HDAC9: variants seen among roughly 807,000 people sequenced by gnomAD.
HDAC9 encodes the protein MEF-2 interacting transcription repressor (MITR) protein.
A neutral mutation model predicts 139.4 loss-of-function variants in HDAC9; 41 were observed. The ratio of observed to expected loss-of-function variants is 0.29; its 90% CI spans 0.23 to 0.38. HDAC9 has a LOEUF of 0.38. Ranked by LOEUF, HDAC9 falls within the 10% of genes least tolerant of loss-of-function variation. The pLI is 1.00. For synonymous variants in HDAC9, 517 were observed against 476.2 expected (o/e 1.09, Z -1.12); for missense variants, 1,147 against 1,297.0 (o/e 0.88, Z 1.78).
At chr7:18,610,910 AT>A (rs1317778216) in intron 6 of HDAC9, among the ~76,000 whole-genome samples, 1 of 152,164 alleles carries the variant, frequency 6.6e-6, no homozygotes, top group East Asian at 1.9e-4. Context: ...CAGAAGCAGG[AT>A]TTGTGTTTTA....
intron 23 of HDAC9, among the ~76,000 whole-genome samples, chr7:18,937,720 C>T (rs1328014879): frequency 1.3e-5 from 2 of 152,108 alleles, no homozygotes; most frequent in South Asian, 2.1e-4. Flanking sequence ...ACCAGATGTG[C>T]AGACAATCAG....
chr7:18,621,128 A>G (rs1308910137), intron 6 of HDAC9, among the ~76,000 whole-genome samples: 1 of 152,084 alleles, frequency 6.6e-6, no homozygotes, highest in African/African-American at 2.4e-5. Flanking sequence ...TTGCTTGGGG[A>G]AAAACATAAT....
At chr7:18,537,844 T>A (rs1011214183) in intron 2 of HDAC9, among the ~76,000 whole-genome samples, 4 of 152,174 alleles carry the variant, frequency 2.6e-5, no homozygotes, top group Non-Finnish European at 4.4e-5. Flanking sequence ...AATGCCCAAA[T>A]CTTGAACTTG....
At chr7:18,969,751 A>G (rs746635840) in intron 24 of HDAC9, among the ~76,000 whole-genome samples, 1 of 152,226 alleles carries the variant, frequency 6.6e-6, no homozygotes, top group African/African-American at 2.4e-5. Context: ...TATGCAGTAC[A>G]GAAGAAGAAA....
chr7:18,804,419 A>G (rs758604485), intron 17 of HDAC9, among the ~76,000 whole-genome samples: 1 of 152,206 alleles, frequency 6.6e-6, no homozygotes, highest in Non-Finnish European at 1.5e-5. Flanking sequence ...ACACGTATGC[A>G]TACGTAAATA....
chr7:18,263,380 C>A (rs1022323581), intron 2 of HDAC9, among the ~76,000 whole-genome samples: 1 of 152,084 alleles, frequency 6.6e-6, no homozygotes, highest in Admixed American at 6.6e-5. Context: ...CAGCTTGATT[C>A]AACAAGATCA....
intron 16 of HDAC9, among the ~76,000 whole-genome samples, chr7:18,774,100 G>A (rs1790554650): frequency 6.6e-6 from 1 of 151,672 alleles, no homozygotes; most frequent in African/African-American, 2.4e-5. Flanking sequence ...CCCAACTCAA[G>A]AAAAACCCAT....
intron 1 of HDAC9, among the ~76,000 whole-genome samples, chr7:18,317,233 A>T (rs1277104229): frequency 6.6e-6 from 1 of 151,810 alleles, no homozygotes; most frequent in Non-Finnish European, 1.5e-5. Flanking sequence ...TAAAATAAAA[A>T]TTCAGCCATA....
At chr7:18,805,826 T>C (rs1404923158) in intron 17 of HDAC9, among the ~76,000 whole-genome samples, 2 of 152,190 alleles carry the variant, frequency 1.3e-5, no homozygotes, top group Non-Finnish European at 2.9e-5. Flanking sequence ...CCAGTCTTTA[T>C]GATTTTTCCT....
chr7:18,412,395 C>T (rs922917021), intron 1 of HDAC9, among the ~76,000 whole-genome samples: 2 of 151,910 alleles, frequency 1.3e-5, no homozygotes, highest in Non-Finnish European at 2.9e-5. Context: ...GAGGAGAAAA[C>T]AGAGGCAAAG....
chr7:18,804,640 A>C (rs1455108288), intron 17 of HDAC9, among the ~76,000 whole-genome samples: 1 of 152,198 alleles, frequency 6.6e-6, no homozygotes, highest in African/African-American at 2.4e-5. Flanking sequence ...ATTATGACCA[A>C]ATCCTAAACT....
In HDAC9 at chr7:18,150,077, GTTT is replaced by G. The variant is rs11422484; in HGVS notation, c.-96-12139_-96-12137del. 1.1e-3 allele frequency among the ~76,000 whole-genome samples: 160 copies of G among 142,844 alleles called. 4 individuals are homozygous for G. The East Asian group carries it at 0.019, about 17-fold the overall frequency. 93.7% of individuals were successfully genotyped at this position (142,844 alleles called of 152,430 possible). On this transcript the variant is annotated intron_variant, in intron 1 of 12. Transcript: ENST00000417496. The stretch of plus-strand genomic sequence containing the variant: ...TGATTTGTCTTTGCACTTTATTAGG[GTTT>G]TTTTTTTTTTTTAAGTGCACAAATA...
chr7:18,604,729 T>C (rs1335831714), intron 6 of HDAC9, among the ~76,000 whole-genome samples: 1 of 152,152 alleles, frequency 6.6e-6, no homozygotes, highest in Non-Finnish European at 1.5e-5. Context: ...ACTGCTGTGC[T>C]TTTGATCTCC....
At chr7:18,290,997 T>C (rs1251477209) in intron 1 of HDAC9, among the ~76,000 whole-genome samples, 1 of 152,124 alleles carries the variant, frequency 6.6e-6, no homozygotes, top group African/African-American at 2.4e-5. Flanking sequence ...ATAGAGTGAA[T>C]AGTATAGAGA....
chr7:18,204,552 T>A (rs968959174), intron 2 of HDAC9, among the ~76,000 whole-genome samples: 2 of 151,974 alleles, frequency 1.3e-5, no homozygotes, highest in Non-Finnish European at 2.9e-5. Context: ...TGAACAGTGA[T>A]CGTTGTTGCT....
At chr7:18,578,291 G>A (rs1367324930) in intron 2 of HDAC9, 1 of 511,380 alleles carries the variant, frequency 2.0e-6, no homozygotes, top group Non-Finnish European at 3.9e-6. Flanking sequence ...GTTTTGGCCT[G>A]CTATTCGTAA....
intron 6 of HDAC9, among the ~76,000 whole-genome samples, chr7:18,598,221 A>T (rs1273814182): frequency 3.3e-5 from 5 of 152,208 alleles, no homozygotes; most frequent in Non-Finnish European, 7.3e-5. Flanking sequence ...TTCTGCAAAG[A>T]TATCATTAAA....
At chr7:18,224,963 C>A (rs1792956543) in intron 2 of HDAC9, among the ~76,000 whole-genome samples, 1 of 151,832 alleles carries the variant, frequency 6.6e-6, no homozygotes, top group Non-Finnish European at 1.5e-5. Flanking sequence ...AAAAATGCAG[C>A]AAAGTAAAGA....
At chr7:18,451,713 G>A (rs1042588317) in intron 1 of HDAC9, among the ~76,000 whole-genome samples, 1 of 151,842 alleles carries the variant, frequency 6.6e-6, no homozygotes, top group Non-Finnish European at 1.5e-5. Flanking sequence ...GGGGTTGGGT[G>A]GGGGGAAACA....
Sources: gnomAD v4.1 joint callset for allele counts (sites outside exome capture counted in the v4.1 genomes callset) on GRCh38, gnomAD v4.1.1 for gene constraint, MANE v1.5 for transcripts, NCBI Gene and HGNC (gene_info 2026-07-23, HGNC 2026-07-21) for gene names.